The following MAPKAP1 variants were observed in gnomAD, a reference collection of about 807,000 sequenced individuals.
MAPKAP1 encodes the protein MAPK associated protein 1.
Under a neutral mutation model 65.7 loss-of-function variants are expected in MAPKAP1, and 20 were observed. That is an observed-to-expected ratio of 0.30 (90% CI 0.21 to 0.44). The LOEUF (loss-of-function observed/expected upper bound fraction) is 0.44. Among genes scored for constraint, MAPKAP1 ranks in the 20% least tolerant of loss-of-function variants. The probability of loss-of-function intolerance (pLI) is 1.00; values close to 1 mark genes in which losing one functional copy is unlikely to be tolerated. For missense variants in MAPKAP1, 423 were observed against 648.0 expected (o/e 0.65, Z 3.77); for synonymous variants, 222 against 244.3 (o/e 0.91, Z 0.85).
At chr9:125,628,212 T>C (rs1017292283) in intron 4 of MAPKAP1, among the ~76,000 whole-genome samples, 3 of 151,946 alleles carry the variant, frequency 2.0e-5, no homozygotes, top group Non-Finnish European at 4.4e-5. Context: ...TAAACAGCAA[T>C]TCACTATAGA....
At chr9:125,652,017 A>C in intron 4 of MAPKAP1, 1 of 865,004 alleles carries the variant, frequency 1.2e-6, no homozygotes, top group Non-Finnish European at 1.5e-6. Flanking sequence ...ACATATTAGA[A>C]GGGACCATTC....
chr9:125,601,656 C>T (rs1304120694), intron 4 of MAPKAP1, among the ~76,000 whole-genome samples: 3 of 152,170 alleles, frequency 2.0e-5, no homozygotes, highest in East Asian at 1.9e-4. Flanking sequence ...AATCAGTGTA[C>T]GTCTCTTCAG....
At chr9:125,451,907 T>G (rs1852969004) in intron 10 of MAPKAP1, among the ~76,000 whole-genome samples, 1 of 151,542 alleles carries the variant, frequency 6.6e-6, no homozygotes, top group African/African-American at 2.4e-5. Context: ...CCTCCCAAGT[T>G]CAAGCCATTC....
intron 4 of MAPKAP1, among the ~76,000 whole-genome samples, chr9:125,629,540 A>G (rs1010954167): frequency 6.6e-6 from 1 of 152,200 alleles, no homozygotes. Context: ...TTACTACCAT[A>G]TATCTTATGA....
At chr9:125,486,101 A>G (rs962141014) in intron 8 of MAPKAP1, among the ~76,000 whole-genome samples, 9 of 152,230 alleles carry the variant, frequency 5.9e-5, no homozygotes, top group Non-Finnish European at 1.3e-4. Flanking sequence ...TGTGCTAGAT[A>G]AATAATAGCT....
intron 6 of MAPKAP1, among the ~76,000 whole-genome samples, chr9:125,557,598 C>A (rs1427065801): frequency 6.6e-6 from 1 of 151,596 alleles, no homozygotes; most frequent in Non-Finnish European, 1.5e-5. Flanking sequence ...GGAAGTTGTT[C>A]AACAGAATAA....
At chr9:125,687,256 G>A (rs1835011585) in intron 1 of MAPKAP1, among the ~76,000 whole-genome samples, 1 of 151,998 alleles carries the variant, frequency 6.6e-6, no homozygotes, top group African/African-American at 2.4e-5. Context: ...AAATGAAAAT[G>A]GCACAGATTA....
intron 1 of MAPKAP1, among the ~76,000 whole-genome samples, chr9:125,692,430 A>C (rs1455957009): frequency 6.6e-6 from 1 of 152,230 alleles, no homozygotes; most frequent in Non-Finnish European, 1.5e-5. Flanking sequence ...TTTGTATATG[A>C]AAGGTTTGGA....
chr9:125,682,909 T>A (rs1210954535), intron 1 of MAPKAP1, among the ~76,000 whole-genome samples: 1 of 152,064 alleles, frequency 6.6e-6, no homozygotes, highest in African/African-American at 2.4e-5. Context: ...TTTTGGCCAC[T>A]GCCTTCATGG....
chr9:125,628,580 T>C (rs1465170847), intron 4 of MAPKAP1, among the ~76,000 whole-genome samples: 1 of 152,126 alleles, frequency 6.6e-6, no homozygotes, highest in Non-Finnish European at 1.5e-5. Context: ...CAAAATGGAT[T>C]AAAGGCTTAA....
intron 8 of MAPKAP1, among the ~76,000 whole-genome samples, chr9:125,492,758 G>A (rs765644385): frequency 3.3e-5 from 5 of 152,198 alleles, no homozygotes; most frequent in Non-Finnish European, 7.3e-5. Flanking sequence ...CAACTTCAGT[G>A]TCTCTTCTCT....
intron 5 of MAPKAP1, among the ~76,000 whole-genome samples, chr9:125,571,778 G>A (rs1475313884): frequency 3.9e-5 from 6 of 152,220 alleles, no homozygotes; most frequent in South Asian, 4.1e-4. Context: ...AAGGAGAATC[G>A]CTTGAACCTG....
At chr9:125,480,994 A>G (rs1054976999) in intron 9 of MAPKAP1, among the ~76,000 whole-genome samples, 2 of 151,418 alleles carry the variant, frequency 1.3e-5, no homozygotes, top group Admixed American at 6.6e-5. Flanking sequence ...AAAAAAAAAA[A>G]AAAAAAAGAA....
At chr9:125,600,922 C>CTAA (rs1318377709) in intron 4 of MAPKAP1, among the ~76,000 whole-genome samples, 3 of 152,134 alleles carry the variant, frequency 2.0e-5, no homozygotes, top group African/African-American at 7.2e-5. Context: ...TCTGCATGAA[C>CTAA]TAAGCCCCAT....
At chr9:125,555,687 CAGG>C (rs1464718392) in intron 6 of MAPKAP1, among the ~76,000 whole-genome samples, 2 of 152,238 alleles carry the variant, frequency 1.3e-5, no homozygotes, top group Non-Finnish European at 2.9e-5. Context: ...GCTGGGTGCT[CAGG>C]ATACAGAGAG....
At chr9:125,459,830 GAA>G (rs1291385907) in intron 10 of MAPKAP1, among the ~76,000 whole-genome samples, 7 of 37,286 alleles carry the variant, frequency 1.9e-4, no homozygotes, top group Non-Finnish European at 2.1e-4. Context: ...GGAGACCGTG[GAA>G]AGAGAGGGAG....
chr9:125,617,617 A>T (rs1166695975), intron 4 of MAPKAP1, among the ~76,000 whole-genome samples: 1 of 152,242 alleles, frequency 6.6e-6, no homozygotes, highest in Non-Finnish European at 1.5e-5. Context: ...GTACCCATAC[A>T]ATGAAAATGA....
chr9:125,533,396 C>G (rs117273878), intron 7 of MAPKAP1, among the ~76,000 whole-genome samples: 3,398 of 152,008 alleles, frequency 0.022, 138 homozygotes, highest in Non-Finnish European at 0.023. Context: ...TGGTAAGGAG[C>G]TGGGGAAAAG....
At chr9:125,663,069 T>G (rs892654389) in intron 3 of MAPKAP1, among the ~76,000 whole-genome samples, 1 of 151,936 alleles carries the variant, frequency 6.6e-6, no homozygotes, top group East Asian at 1.9e-4. Context: ...AATAAAAAGT[T>G]TTTTTTTAAG....
Sources: gnomAD v4.1 joint callset for allele counts (sites outside exome capture counted in the v4.1 genomes callset) on GRCh38, gnomAD v4.1.1 for gene constraint, MANE v1.5 for transcripts, NCBI Gene and HGNC (gene_info 2026-07-23, HGNC 2026-07-21) for gene names.